Variants in HPSE2 observed in about 807,000 individuals in gnomAD.
HPSE2 encodes the protein heparanase 2 (inactive).
A neutral mutation model predicts 60.5 loss-of-function variants in HPSE2; 38 were observed. That is an observed-to-expected ratio of 0.63 (90% CI 0.48 to 0.82). HPSE2 has a LOEUF of 0.82. HPSE2 is among the 40% of genes least tolerant of loss of function. The probability of loss-of-function intolerance (pLI) is 0.00; values close to 1 mark genes in which losing one functional copy is unlikely to be tolerated. For synonymous variants in HPSE2, 295 were observed against 293.2 expected (o/e 1.01, Z -0.06); for missense variants, 713 against 740.4 (o/e 0.96, Z 0.43).
At chr10:98,729,570 T>C (rs1476380139) in intron 4 of HPSE2, among the ~76,000 whole-genome samples, 4 of 151,890 alleles carry the variant, frequency 2.6e-5, no homozygotes, top group Non-Finnish European at 5.9e-5. Context: ...GATCACGCCA[T>C]TGCACTCCAG....
At chr10:99,002,401 C>G (rs1019770717) in intron 3 of HPSE2, among the ~76,000 whole-genome samples, 6 of 152,070 alleles carry the variant, frequency 3.9e-5, no homozygotes, top group Admixed American at 3.9e-4. Context: ...TAACTTTACA[C>G]TGGAGAAACC....
At chr10:99,033,020 A>G (rs141564637) in intron 3 of HPSE2, among the ~76,000 whole-genome samples, 3 of 152,318 alleles carry the variant, frequency 2.0e-5, no homozygotes, top group African/African-American at 7.2e-5. Context: ...TTTGCCATGT[A>G]AGTTAACATA....
chr10:99,073,463 T>A (rs1466469750), intron 3 of HPSE2, among the ~76,000 whole-genome samples: 1 of 148,242 alleles, frequency 6.7e-6, no homozygotes, highest in Non-Finnish European at 1.5e-5. Flanking sequence ...CAACATACAC[T>A]GGGGCCTGTT....
intron 2 of HPSE2, among the ~76,000 whole-genome samples, chr10:99,198,086 A>T (rs1468102843): frequency 1.3e-5 from 2 of 151,800 alleles, no homozygotes; most frequent in Non-Finnish European, 2.9e-5. Context: ...AAAAAAGTGA[A>T]TTTTTTCCAA....
chr10:99,070,741 A>G (rs1365304380), intron 3 of HPSE2, among the ~76,000 whole-genome samples: 1 of 152,170 alleles, frequency 6.6e-6, no homozygotes, highest in Non-Finnish European at 1.5e-5. Context: ...TAATTTGTAC[A>G]TGTGGAATAA....
rs1940107745 is a variant in HPSE2 at position 98,457,697 on chromosome 10, T to C, written c.*1877A>G. Reference sequence around the variant, plus strand: ...TCTGTTTCTTCTTTCTCTTATTTCCTACCCCCCGCCCCGCCCCCATCTTGG... The same window carrying C: ...TCTGTTTCTTCTTTCTCTTATTTCCCACCCCCCGCCCCGCCCCCATCTTGG... On this transcript the variant is annotated 3_prime_UTR_variant, in exon 12 of 12. Transcript: ENST00000370552. 1 of 152,316 alleles carries C rather than the reference T, an allele frequency of 6.6e-6. No homozygotes were observed. Among genetic ancestry groups the C allele is most frequent in the African/African-American group, 2.4e-5 (1 of 41,406 alleles). 9.4% of individuals were successfully genotyped at this position (152,316 alleles called of 1,614,324 possible).
intron 3 of HPSE2, among the ~76,000 whole-genome samples, chr10:98,943,668 A>G (rs1955093335): frequency 6.6e-6 from 1 of 152,152 alleles, no homozygotes; most frequent in South Asian, 2.1e-4. Flanking sequence ...CTAGCTCTGG[A>G]TAAAGCCAGC....
Position 98,620,665 on chromosome 10 carries a change from C to G in HPSE2, c.1142G>C (p.Gly381Ala). The G allele has an allele frequency of 1.9e-6, 3 of 1,614,122 alleles. No homozygotes were observed. The highest frequency in any genetic ancestry group is 1.7e-6 in the Non-Finnish European group (2 of 1,179,978). The change falls in exon 8 of 12, where the codon GGT becomes GCT. Residue 381 changes from glycine to alanine, a missense_variant. Physicochemically the swap from Gly to Ala is moderately conservative, Grantham distance 60. Coordinates refer to ENST00000370552, the MANE Select transcript of HPSE2 (RefSeq NM_021828.5). The part of the protein sequence containing the change: ...YTPGKKIWLE[G>A]VVTTSAGGTN... ...GCCTCCAGCTGAGGTGGTCACCACA[C>G]CTTCAAGCCAAATCTTCTTTCCTGG... is the stretch of plus-strand genomic sequence containing the variant.
At chr10:99,306,108 T>C in the HPSE2 span, among the ~76,000 whole-genome samples, 1 of 151,640 alleles carries the variant, frequency 6.6e-6, no homozygotes, top group Non-Finnish European at 1.5e-5. Flanking sequence ...TAGAGACTTA[T>C]GGGACATGGG....
At chr10:99,180,998 G>A (rs929082785) in intron 2 of HPSE2, among the ~76,000 whole-genome samples, 1 of 151,676 alleles carries the variant, frequency 6.6e-6, no homozygotes, top group African/African-American at 2.4e-5. Flanking sequence ...CAACCATTGT[G>A]GAAGACAGTG....
chr10:99,023,560 G>A (rs538849674), intron 3 of HPSE2, among the ~76,000 whole-genome samples: 1 of 152,144 alleles, frequency 6.6e-6, no homozygotes, highest in Admixed American at 6.5e-5. Context: ...TGCTATGCTG[G>A]CTTCAGGACT....
chr10:99,056,664 G>A (rs1237795771), intron 3 of HPSE2, among the ~76,000 whole-genome samples: 1 of 152,118 alleles, frequency 6.6e-6, no homozygotes, highest in Non-Finnish European at 1.5e-5. Context: ...TTCATCGTAA[G>A]AGCTAAAGCT....
chr10:98,859,252 A>G (rs943310005), intron 3 of HPSE2, among the ~76,000 whole-genome samples: 6 of 152,218 alleles, frequency 3.9e-5, no homozygotes, highest in African/African-American at 1.4e-4. Context: ...TATGACTCAC[A>G]AAGCCTTAAA....
At chr10:99,060,769 A>G (rs1335345858) in intron 3 of HPSE2, among the ~76,000 whole-genome samples, 1 of 152,152 alleles carries the variant, frequency 6.6e-6, no homozygotes, top group Non-Finnish European at 1.5e-5. Context: ...TTTAGCCATA[A>G]AAAGAATGAG....
chr10:98,476,682 C>T (rs928513900), intron 11 of HPSE2, among the ~76,000 whole-genome samples: 5 of 151,588 alleles, frequency 3.3e-5, no homozygotes, highest in Non-Finnish European at 5.9e-5. Flanking sequence ...CCCAACTGCT[C>T]GGGAGGTTGA....
At chr10:98,964,395 A>G (rs1156639096) in intron 3 of HPSE2, among the ~76,000 whole-genome samples, 1 of 152,186 alleles carries the variant, frequency 6.6e-6, no homozygotes, top group East Asian at 1.9e-4. Flanking sequence ...CCTAGCTAAT[A>G]ACAACAGTAA....
At chr10:98,965,360 T>C (rs1273117085) in intron 3 of HPSE2, among the ~76,000 whole-genome samples, 2 of 152,132 alleles carry the variant, frequency 1.3e-5, no homozygotes, top group African/African-American at 4.8e-5. Flanking sequence ...AATTGTGTGA[T>C]CTTATGAATG....
chr10:98,723,175 G>T (rs1948973694), intron 4 of HPSE2, among the ~76,000 whole-genome samples: 1 of 152,102 alleles, frequency 6.6e-6, no homozygotes, highest in Non-Finnish European at 1.5e-5. Flanking sequence ...TTAGCATGAA[G>T]GTGGTTGAAT....
At chr10:98,753,723 A>C (rs909443084) in intron 3 of HPSE2, among the ~76,000 whole-genome samples, 3 of 152,182 alleles carry the variant, frequency 2.0e-5, no homozygotes, top group Admixed American at 2.0e-4. Flanking sequence ...CCAGGGTTAG[A>C]GCATGCAGCC....
Sources: allele counts gnomAD v4.1 joint callset (sites outside exome capture counted in the v4.1 genomes callset), GRCh38; gene constraint gnomAD v4.1.1; transcripts MANE v1.5; gene names NCBI Gene and HGNC (gene_info 2026-07-23, HGNC 2026-07-21).